The following FAM174B variants were observed in gnomAD, a reference collection of about 807,000 sequenced individuals.
FAM174B encodes the protein family with sequence similarity 174 member B.
Under a neutral mutation model 10.9 loss-of-function variants are expected in FAM174B, and 12 were observed. That is an observed-to-expected ratio of 1.10 (90% confidence interval 0.71 to 1.79). FAM174B has a LOEUF of 1.79. Among genes scored for constraint, FAM174B ranks in the 40% most tolerant of loss-of-function variants. The pLI, the probability that FAM174B is intolerant of heterozygous loss-of-function variation, is 0.00. For synonymous variants in FAM174B, 132 were observed against 115.8 expected (o/e 1.14, Z -0.90); for missense variants, 266 against 233.3 (o/e 1.14, Z -0.91).
chr15:92,642,128 C>T (rs1265380747), intron 1 of FAM174B, among the ~76,000 whole-genome samples: 1 of 152,132 alleles, frequency 6.6e-6, no homozygotes, highest in Admixed American at 6.5e-5. Context: ...CCACTTTATA[C>T]CTTAGGATGG....
At chr15:92,628,338 C>CTTTTTTT (rs35251307) in intron 2 of FAM174B, among the ~76,000 whole-genome samples, 2 of 84,916 alleles carry the variant, frequency 2.4e-5, no homozygotes, top group Non-Finnish European at 4.2e-5. Context: ...CTAATTTTTG[C>CTTTTTTT]TTTTTTTTTT....
At chr15:92,639,951 A>G (rs966285478) in intron 1 of FAM174B, among the ~76,000 whole-genome samples, 3 of 152,138 alleles carry the variant, frequency 2.0e-5, no homozygotes, top group Non-Finnish European at 4.4e-5. Context: ...ACTAATACAC[A>G]GTGGCATCCC....
intron 2 of FAM174B, among the ~76,000 whole-genome samples, chr15:92,629,137 A>G (rs2050773810): frequency 6.6e-6 from 1 of 152,210 alleles, no homozygotes; most frequent in South Asian, 2.1e-4. Flanking sequence ...CTTCCCAGAC[A>G]TGCAGAAGCC....
At chr15:92,628,338 C>CTTTT (rs35251307) in intron 2 of FAM174B, among the ~76,000 whole-genome samples, 13 of 84,914 alleles carry the variant, frequency 1.5e-4, no homozygotes, top group Non-Finnish European at 1.9e-4. Context: ...CTAATTTTTG[C>CTTTT]TTTTTTTTTT....
At chr15:92,631,166 A>ATATT (rs1491461435) in intron 1 of FAM174B, among the ~76,000 whole-genome samples, 4 of 17,848 alleles carry the variant, frequency 2.2e-4, no homozygotes, top group African/African-American at 4.5e-4. Flanking sequence ...TATATTATAT[A>ATATT]ATAATTTATA....
chr15:92,641,733 T>C (rs2050893402), intron 1 of FAM174B, among the ~76,000 whole-genome samples: 1 of 151,976 alleles, frequency 6.6e-6, no homozygotes, highest in African/African-American at 2.4e-5. Context: ...ATAGCATAAA[T>C]CTTTGCGACA....
chr15:92,653,415 G>T (rs1165338366), intron 1 of FAM174B, among the ~76,000 whole-genome samples: 2 of 152,214 alleles, frequency 1.3e-5, no homozygotes, highest in Non-Finnish European at 2.9e-5. Flanking sequence ...GTGGACTCCA[G>T]GGCCTATTTT....
At chr15:92,629,179 C>A (rs1310019738) in intron 2 of FAM174B, among the ~76,000 whole-genome samples, 1 of 152,202 alleles carries the variant, frequency 6.6e-6, no homozygotes, top group Non-Finnish European at 1.5e-5. Context: ...TAGGGACCAG[C>A]CTGCATTTCT....
Position 92,617,855 on chromosome 15 carries a change from A to G in FAM174B, c.*1601T>C, listed in dbSNP as rs2141944074. 1 of 478,124 alleles carries G rather than the reference A, an allele frequency of 2.1e-6. No homozygotes were observed. Among genetic ancestry groups the G allele is most frequent in the Non-Finnish European group, 3.7e-6 (1 of 273,094 alleles). 29.6% of individuals were successfully genotyped at this position (478,124 alleles called of 1,614,324 possible). ...AAAGAAGGTGAAATGCAGGGAGCAG[A>G]GACTACACGCAGGCCCCCCGTGGCT... On this transcript the variant is annotated 3_prime_UTR_variant, in exon 3 of 3. Coordinates refer to ENST00000327355, the MANE Select transcript of FAM174B (RefSeq NM_207446.3).
At chr15:92,642,904 C>T (rs191151136) in intron 1 of FAM174B, among the ~76,000 whole-genome samples, 19 of 152,202 alleles carry the variant, frequency 1.2e-4, no homozygotes, top group African/African-American at 4.3e-4. Context: ...AAACACTGTA[C>T]TAAATAAAAT....
intron 1 of FAM174B, among the ~76,000 whole-genome samples, chr15:92,646,244 T>C (rs2050926581): frequency 1.3e-5 from 2 of 152,158 alleles, no homozygotes. Flanking sequence ...GCCCTGTGAT[T>C]ACTTCACTCT....
At chr15:92,643,531 G>C (rs2050905932) in intron 1 of FAM174B, among the ~76,000 whole-genome samples, 1 of 152,104 alleles carries the variant, frequency 6.6e-6, no homozygotes, top group Admixed American at 6.6e-5. Flanking sequence ...TGTGAATTTT[G>C]AACCATGTGA....
At chr15:92,649,411 G>A (rs2050949744) in intron 1 of FAM174B, among the ~76,000 whole-genome samples, 1 of 152,184 alleles carries the variant, frequency 6.6e-6, no homozygotes, top group Non-Finnish European at 1.5e-5. Flanking sequence ...AGATGCACCT[G>A]CCTGATAATT....
At chr15:92,625,723 T>C (rs2050748288) in intron 2 of FAM174B, among the ~76,000 whole-genome samples, 1 of 152,238 alleles carries the variant, frequency 6.6e-6, no homozygotes, top group African/African-American at 2.4e-5. Flanking sequence ...TACTGTTAAG[T>C]AGTGAGATGA....
chr15:92,638,787 A>G (rs1008930722), intron 1 of FAM174B, among the ~76,000 whole-genome samples: 2 of 152,202 alleles, frequency 1.3e-5, no homozygotes, highest in African/African-American at 2.4e-5. Context: ...ATTGCAGGAC[A>G]TCGCAACCAG....
In FAM174B at chr15:92,647,236, C is replaced by G. The variant is rs2050934343; in HGVS notation, c.344+8080G>C. Among the ~76,000 whole-genome samples the G allele has an allele frequency of 2.0e-5, 3 of 152,220 alleles. No homozygotes were observed. The South Asian group carries it at 6.2e-4, about 32-fold the overall frequency. ...CCTCAGCAAAGCTTGCTTCACCCAT[C>G]TGGTCCTGGAAGAACCTCTTCTTCC... On this transcript the variant is annotated intron_variant, in intron 1 of 2. Coordinates refer to ENST00000327355, the MANE Select transcript of FAM174B (RefSeq NM_207446.3).
At position 92,655,635 on chromosome 15, in the gene FAM174B, G is replaced by C. The variant is rs764588447; in HGVS notation, c.25C>G (p.Pro9Ala). 1.2e-3 allele frequency: 1,451 copies of C among 1,257,406 alleles called. 4 individuals carry two copies. Among genetic ancestry groups the C allele is most frequent in the Admixed American group, 2.7e-3 (65 of 24,324 alleles). 77.9% of individuals were successfully genotyped at this position (1,257,406 alleles called of 1,614,324 possible). MRAVPLPA[P>A]LLPLLLLALL... is the part of the protein sequence containing the mutation. Reference sequence around the variant, plus strand: ...GCGAGCAGCAGCAGCGGCAGGAGCGGGGCGGGCAGCGGCACGGCGCGCATA... The same window carrying C: ...GCGAGCAGCAGCAGCGGCAGGAGCGCGGCGGGCAGCGGCACGGCGCGCATA... The change falls in exon 1 of 3, where the codon CCG becomes GCG. Residue 9 changes from proline to alanine, a missense_variant. Physicochemically the swap from Pro to Ala is conservative, Grantham distance 27. Coordinates refer to ENST00000327355, the MANE Select transcript of FAM174B (RefSeq NM_207446.3).
At chr15:92,646,553 A>G (rs2050929125) in intron 1 of FAM174B, among the ~76,000 whole-genome samples, 1 of 152,176 alleles carries the variant, frequency 6.6e-6, no homozygotes. Flanking sequence ...GCTAACCCGA[A>G]AAACTAATTC....
At chr15:92,633,786 C>T (rs549209367) in intron 1 of FAM174B, among the ~76,000 whole-genome samples, 63 of 152,264 alleles carry the variant, frequency 4.1e-4, no homozygotes, top group African/African-American at 1.3e-3. Context: ...ATTCTCTCCC[C>T]CAAGAGATAC....
Sources: gnomAD v4.1 joint callset for allele counts (sites outside exome capture counted in the v4.1 genomes callset) on GRCh38, gnomAD v4.1.1 for gene constraint, MANE v1.5 for transcripts, NCBI Gene and HGNC (gene_info 2026-07-23, HGNC 2026-07-21) for gene names.